The following KSR1 variants were observed in gnomAD, a reference collection of about 807,000 sequenced individuals.
KSR1 encodes kinase suppressor of ras.
Under a neutral mutation model 92.9 loss-of-function variants are expected in KSR1, and 35 were observed. That is an observed-to-expected ratio of 0.38 (90% CI 0.29 to 0.50). KSR1 has a LOEUF of 0.50. KSR1 is among the 20% of genes least tolerant of loss of function. The pLI is 0.94. For missense variants in KSR1, 972 were observed against 1,158.5 expected (o/e 0.84, Z 2.34); for synonymous variants, 467 against 472.6 (o/e 0.99, Z 0.15).
At position 27,603,881 on chromosome 17, in the gene KSR1, G is replaced by A. The variant is rs760015637; in HGVS notation, c.1558G>A (p.Gly520Ser). The A allele has an allele frequency of 5.6e-6, 9 of 1,613,730 alleles. No homozygotes were observed. Among genetic ancestry groups the A allele is most frequent in the South Asian group, 2.2e-5 (2 of 91,072 alleles). ...HAAPLPEAAD[G>S]TRLDDQPKAD... ...AGCCCCGCTCCCTGAAGCTGCCGAC[G>A]GTACCCGGTAGGCATCCCTAGGTGG... The change falls in exon 12 of 21, where the codon GGT becomes AGT. Residue 520 changes from glycine (G) to serine (S), a missense_variant. Physicochemically the swap from Gly to Ser is moderately conservative, Grantham distance 56. Transcript: ENST00000644974.
At chr17:27,512,134 C>A (rs2056512570) in intron 1 of KSR1, among the ~76,000 whole-genome samples, 1 of 152,200 alleles carries the variant, frequency 6.6e-6, no homozygotes, top group Admixed American at 6.5e-5. Flanking sequence ...GCAAAATTCC[C>A]TGCTCTTTCT....
At chr17:27,553,204 A>G (rs111756934) in intron 2 of KSR1, among the ~76,000 whole-genome samples, 2 of 152,168 alleles carry the variant, frequency 1.3e-5, no homozygotes, top group Non-Finnish European at 2.9e-5. Flanking sequence ...GTGAAAGTCA[A>G]GTGCGGGGGT....
chr17:27,580,542 G>C (rs1409091204), intron 3 of KSR1, among the ~76,000 whole-genome samples: 1 of 152,192 alleles, frequency 6.6e-6, no homozygotes, highest in Non-Finnish European at 1.5e-5. Flanking sequence ...TTCAGAATCA[G>C]TAGCATTGTC....
chr17:27,566,526 C>A lies in KSR1; in HGVS notation c.373-10966C>A, dbSNP rs1024104968. ...CACAGGGCCCCCACCTCTGGGGATG[C>A]CAAGAGAAGCCCGAGGCGTGAGCCC... On this transcript the variant is annotated intron_variant, in intron 2 of 20. Coordinates refer to ENST00000644974, the MANE Select transcript of KSR1 (RefSeq NM_001394583.1). 3.5e-5 allele frequency: 14 copies of A among 399,106 alleles called. No homozygotes were observed. The Admixed American group carries it at 4.4e-4, about 13-fold the overall frequency. The allele number at this position is 399,106 out of a possible 1,614,324, so 24.7% of individuals were successfully genotyped here. A position where few individuals can be genotyped will look rare whatever the true frequency, so the allele number is the denominator to read the frequency against.
At chr17:27,600,090 C>CTTTTTTT (rs552526373) in intron 10 of KSR1, among the ~76,000 whole-genome samples, 1 of 115,326 alleles carries the variant, frequency 8.7e-6, no homozygotes, top group Non-Finnish European at 1.7e-5. Context: ...TTACAGATAA[C>CTTTTTTT]TTTTTTTTTT....
Position 27,577,796 on chromosome 17 carries a change from T to C in KSR1, c.520+157T>C. On this transcript the variant is annotated intron_variant, in intron 3 of 20. Coordinates refer to ENST00000644974, the MANE Select transcript of KSR1 (RefSeq NM_001394583.1). This position sits in a 1 kb window ranked among gnomAD's most constrained non-coding sequence, Gnocchi z 4.5. ...GGATGTTCACAGCCTCCTGAGAAGCTCTCCCAGGGTCCTCAGGGCTCTGGA... is the reference window on the plus strand; with the variant it reads ...GGATGTTCACAGCCTCCTGAGAAGCCCTCCCAGGGTCCTCAGGGCTCTGGA... 1.4e-6 allele frequency: 1 copy of C among 719,384 alleles called. No individual in the cohort carries two copies. The highest frequency in any genetic ancestry group is 2.5e-6 in the Non-Finnish European group (1 of 401,372). 44.6% of individuals were successfully genotyped at this position (719,384 alleles called of 1,614,324 possible).
At chr17:27,612,395 G>C (rs2073945494) in intron 18 of KSR1, among the ~76,000 whole-genome samples, 1 of 152,212 alleles carries the variant, frequency 6.6e-6, no homozygotes, top group Non-Finnish European at 1.5e-5. Context: ...GTTTGAGGCA[G>C]ATGTCCTTGT....
At chr17:27,549,831 G>C (rs997758686) in intron 1 of KSR1, among the ~76,000 whole-genome samples, 3 of 152,144 alleles carry the variant, frequency 2.0e-5, no homozygotes, top group African/African-American at 7.2e-5. Flanking sequence ...GGACAAGATG[G>C]AGACCTTTGA....
At chr17:27,614,354 A>G (rs1244158103) in intron 18 of KSR1, among the ~76,000 whole-genome samples, 1 of 152,254 alleles carries the variant, frequency 6.6e-6, no homozygotes, top group East Asian at 1.9e-4. Context: ...TGTATAAACC[A>G]GAGTATTATG....
At chr17:27,600,807 A>G (rs2073528694) in intron 10 of KSR1, among the ~76,000 whole-genome samples, 2 of 152,192 alleles carry the variant, frequency 1.3e-5, no homozygotes, top group South Asian at 4.1e-4. Flanking sequence ...AGACAGCTGG[A>G]GAGGTTAGCC....
At chr17:27,509,436 A>G in intron 1 of KSR1, among the ~76,000 whole-genome samples, 1 of 151,810 alleles carries the variant, frequency 6.6e-6, no homozygotes, top group Non-Finnish European at 1.5e-5. Context: ...GACTACAGGC[A>G]CCTGCCACCA....
chr17:27,564,080 C>A (rs1238549253), intron 2 of KSR1, among the ~76,000 whole-genome samples: 1 of 149,724 alleles, frequency 6.7e-6, no homozygotes, highest in Admixed American at 6.7e-5. Context: ...CCTCCACCTC[C>A]CAGGTTCAAG....
At chr17:27,583,333 T>TC (rs1322329348) in intron 4 of KSR1, among the ~76,000 whole-genome samples, 23 of 152,250 alleles carry the variant, frequency 1.5e-4, no homozygotes, top group African/African-American at 5.3e-4. Flanking sequence ...TGATGCCACG[T>TC]ATGGGTCAGG....
Position 27,510,553 on chromosome 17 carries a change from C to T in KSR1, c.232-40015C>T, listed in dbSNP as rs546574068. 2.6e-5 allele frequency among the ~76,000 whole-genome samples: 4 copies of T among 151,402 alleles called. 1 individual carries two copies. Among genetic ancestry groups the T allele is most frequent in the East Asian group, 1.9e-4 (1 of 5,132 alleles). ...TAGAGAGAAATCTAAGTCCTAACACCGAAGAGCTGAGTGGCCTTAGCTTAA... is the reference window on the plus strand; with the variant it reads ...TAGAGAGAAATCTAAGTCCTAACACTGAAGAGCTGAGTGGCCTTAGCTTAA... On this transcript the variant is annotated intron_variant, in intron 1 of 20. Transcript: ENST00000644974.
chr17:27,472,547 G>A (rs2020070182), intron 1 of KSR1, among the ~76,000 whole-genome samples: 1 of 152,214 alleles, frequency 6.6e-6, no homozygotes, highest in Admixed American at 6.5e-5. Flanking sequence ...CGTGGCTCAT[G>A]CCTGTAATCC....
At chr17:27,566,057 G>A (rs115345337) in intron 2 of KSR1, among the ~76,000 whole-genome samples, 2,455 of 152,286 alleles carry the variant, frequency 0.016, 70 homozygotes, top group African/African-American at 0.057. Context: ...GAAGCTGCAG[G>A]GGCTTGGGGG....
chr17:27,601,836 G>T, intron 11 of KSR1: 1 of 1,277,870 alleles, frequency 7.8e-7, no homozygotes, highest in East Asian at 2.4e-5. Flanking sequence ...AAACCCATTT[G>T]GGAAGGTCTG....
Position 27,577,283 on chromosome 17 carries a change from G to A in KSR1, c.373-209G>A, listed in dbSNP as rs1355641439. On this transcript the variant is annotated intron_variant, in intron 2 of 20. Coordinates refer to ENST00000644974, the MANE Select transcript of KSR1 (RefSeq NM_001394583.1). This position sits in a 1 kb window ranked among gnomAD's most constrained non-coding sequence, Gnocchi z 4.5. ...TTACTTCCTCCCCTCACCCCCCACC[G>A]AGTCTGCTTCAGCTGCTGTCTCTGG... 4.6e-5 allele frequency among the ~76,000 whole-genome samples: 7 copies of A among 152,016 alleles called. No homozygotes were observed. Among genetic ancestry groups the A allele is most frequent in the Admixed American group, 4.6e-4 (7 of 15,280 alleles).
chr17:27,552,078 A>G (rs1025649593), intron 2 of KSR1, among the ~76,000 whole-genome samples: 1 of 151,584 alleles, frequency 6.6e-6, no homozygotes, highest in African/African-American at 2.4e-5. Context: ...TCCCTTGAAT[A>G]TTTTTCTGGT....
Sources: gnomAD v4.1 joint callset for allele counts (sites outside exome capture counted in the v4.1 genomes callset) on GRCh38, gnomAD v4.1.1 for gene constraint, Gnocchi (gnomAD v3.1) non-coding constraint, MANE v1.5 for transcripts, NCBI Gene and HGNC (gene_info 2026-07-23, HGNC 2026-07-21) for gene names.